Variants in NDUFA9 observed in about 807,000 individuals in gnomAD.
NDUFA9 encodes the protein NADH:ubiquinone oxidoreductase subunit A9, also known as NADH dehydrogenase [ubiquinone] 1 alpha subcomplex subunit 9, mitochondrial.
NDUFA9 carries 23 observed loss-of-function variants against 45.9 expected under a neutral mutation model. The observed-to-expected ratio is 0.50, with a 90% CI of 0.36 to 0.71. The LOEUF is 0.71. Among genes scored for constraint, NDUFA9 ranks in the 30% least tolerant of loss-of-function variants. The probability of loss-of-function intolerance (pLI) is 0.00; values close to 1 mark genes in which losing one functional copy is unlikely to be tolerated. For synonymous variants in NDUFA9, 176 were observed against 170.5 expected (o/e 1.03, Z -0.25); for missense variants, 466 against 488.2 (o/e 0.95, Z 0.43).
intron 1 of NDUFA9, among the ~76,000 whole-genome samples, 193 bp from the exon 2 acceptor site, chr12:4,654,099 G>T (rs1157503118): frequency 6.6e-6 from 1 of 152,130 alleles, no homozygotes; most frequent in Non-Finnish European, 1.5e-5. Context: ...ATAGGGTAGG[G>T]AGTATATTTC....
chr12:4,675,986 A>T (rs1290980129), intron 8 of NDUFA9, among the ~76,000 whole-genome samples: 1 of 152,242 alleles, frequency 6.6e-6, no homozygotes, highest in East Asian at 1.9e-4. Flanking sequence ...GGCTGGTTCA[A>T]CATATGCAAA....
chr12:4,657,667 C>A, intron 3 of NDUFA9, 81 bp from the exon 4 acceptor site: 2 of 997,976 alleles, frequency 2.0e-6, no homozygotes, highest in South Asian at 1.3e-5. Flanking sequence ...CATTTTGAAA[C>A]TTGCATTGAG....
intron 5 of NDUFA9, among the ~76,000 whole-genome samples, chr12:4,659,578 C>A (rs1358269807): frequency 6.6e-6 from 1 of 152,162 alleles, no homozygotes; most frequent in Non-Finnish European, 1.5e-5. Context: ...CTTAAAGGGG[C>A]AATGTGAAGG....
intron 9 of NDUFA9, among the ~76,000 whole-genome samples, chr12:4,683,554 T>A (rs899458924): frequency 6.6e-6 from 1 of 152,222 alleles, no homozygotes; most frequent in Non-Finnish European, 1.5e-5. Context: ...ACCACTAGAA[T>A]GCAGGGTGAT....
rs1237474663 is a variant in NDUFA9, at chr12:4,681,448, ATC to A, written c.801-752_801-751del. ...ATGACCAAAAATTCGTGAAGAAATG[ATC>A]TCTCATATTAAAGACATAATAATTA... On this transcript the variant is annotated intron_variant, in intron 8 of 10. Transcript: ENST00000266544. Among the ~76,000 whole-genome samples, 7 of 151,624 alleles carry A rather than the reference ATC, an allele frequency of 4.6e-5. No homozygotes were observed. The East Asian group carries it at 1.2e-3, about 25-fold the overall frequency.
At chr12:4,659,699 G>A (rs1356549145) in intron 5 of NDUFA9, among the ~76,000 whole-genome samples, 2 of 152,162 alleles carry the variant, frequency 1.3e-5, no homozygotes, top group Non-Finnish European at 2.9e-5. Context: ...CTGTAGTTTG[G>A]AGTCAGTCTG....
rs1220357649 is a variant in NDUFA9, at chr12:4,691,445, C to T, written c.*4337C>T. The T allele has an allele frequency of 4.6e-5, 7 of 152,296 alleles. No homozygotes were observed. Among genetic ancestry groups the T allele is most frequent in the African/African-American group, 1.4e-4 (6 of 41,572 alleles). The allele number at this position is 152,296 out of a possible 1,614,324, so 9.4% of individuals were successfully genotyped here. ...GTAAGTAGCTGAATTGGTTTTCCAA[C>T]CTGGATCTTTCTGGCTACAAAACTG... On this transcript the variant is annotated 3_prime_UTR_variant, in exon 11 of 11. Coordinates refer to ENST00000266544, the MANE Select transcript of NDUFA9 (RefSeq NM_005002.5).
chr12:4,693,580 CA>C lies in NDUFA9; in HGVS notation c.*6473del. 6.6e-6 allele frequency: 1 copy of C among 152,294 alleles called. No homozygotes were observed. Among genetic ancestry groups the C allele is most frequent in the East Asian group, 1.9e-4 (1 of 5,188 alleles). The allele number at this position is 152,294 out of a possible 1,614,324, so 9.4% of individuals were successfully genotyped here. ...ACAGATGTCTGGGCCTTCTTGACAGCAGGTGTTTAAAGCTGAATCTGGTTCT... is the reference window on the plus strand; with the variant it reads ...ACAGATGTCTGGGCCTTCTTGACAGCGGTGTTTAAAGCTGAATCTGGTTCT... On this transcript the variant is annotated 3_prime_UTR_variant, in exon 11 of 11. Transcript: ENST00000266544.
In NDUFA9 at chr12:4,654,871, T is replaced by C; in HGVS notation, c.267T>C (p.Tyr89=). ...TCATACCCTATCGGTGTGATAAATATGACATCATGCACCTTCGTCCCATGG... is the reference window on the plus strand; with the variant it reads ...TCATACCCTATCGGTGTGATAAATACGACATCATGCACCTTCGTCCCATGG... The part of the protein sequence containing the change: ...QVIIPYRCDK[Y]DIMHLRPMGD... The change falls in exon 3 of 11, where the codon TAT becomes TAC. Residue 89 remains tyrosine, a synonymous_variant. Transcript: ENST00000266544. 6.2e-7 allele frequency: 1 copy of C among 1,614,064 alleles called. No homozygotes were observed. Among genetic ancestry groups the C allele is most frequent in the Non-Finnish European group, 8.5e-7 (1 of 1,179,956 alleles).
At chr12:4,669,867 T>G in intron 8 of NDUFA9, 50 bp downstream of exon 8, 39 of 1,142,018 alleles carry the variant, frequency 3.4e-5, no homozygotes, top group Non-Finnish European at 4.5e-5. Flanking sequence ...AATGAAGGAA[T>G]CAATATCTAA....
Position 4,682,294 on chromosome 12 carries a change from C to T in NDUFA9, c.890C>T (p.Ala297Val), listed in dbSNP as rs1412267949. The T allele has an allele frequency of 3.1e-6, 5 of 1,608,774 alleles. No individual in the cohort carries two copies. Among genetic ancestry groups the T allele is most frequent in the Middle Eastern group, 1.7e-4 (1 of 6,048 alleles). ...LFLPFPLPLF[A>V]YRWVARVFEI... ...CTCCCATTCCCCTTGCCGCTTTTTG[C>T]CTATCGGTAAGTAGAGTGCTCCTTT... The change falls in exon 9 of 11, where the codon GCC (alanine) becomes GTC (valine). Residue 297 changes from alanine to valine, a missense_variant. Transcript: ENST00000266544.
In NDUFA9 at chr12:4,691,502, T is replaced by A. The variant is rs772430631; in HGVS notation, c.*4394T>A. 18 of 152,186 alleles carry A rather than the reference T, an allele frequency of 1.2e-4. No individual in the cohort carries two copies. The highest frequency in any genetic ancestry group is 2.4e-4 in the Non-Finnish European group (16 of 68,032). 9.4% of individuals were successfully genotyped at this position (152,186 alleles called of 1,614,324 possible). A position where few individuals can be genotyped will look rare whatever the true frequency, so the allele number is the denominator to read the frequency against. ...TGTTCCAGAAAGGATTTAAGGATGCTCAGGAGGAAGACATTCCCAGAGTTA... is the reference window on the plus strand; with the variant it reads ...TGTTCCAGAAAGGATTTAAGGATGCACAGGAGGAAGACATTCCCAGAGTTA... On this transcript the variant is annotated 3_prime_UTR_variant, in exon 11 of 11. Coordinates refer to ENST00000266544, the MANE Select transcript of NDUFA9 (RefSeq NM_005002.5).
rs1254481577 is a variant in NDUFA9 at position 4,690,977 on chromosome 12, G to A, written c.*3869G>A. The stretch of plus-strand genomic sequence containing the variant: ...CATGAATGAGTGGGTGGTTATGAGT[G>A]GGAGGCAGAGTCCGTGAGTTGGGAG... On this transcript the variant is annotated 3_prime_UTR_variant, in exon 11 of 11. Transcript: ENST00000266544. 1.3e-5 allele frequency: 2 copies of A among 152,222 alleles called. No individual in the cohort carries two copies. The highest frequency in any genetic ancestry group is 2.9e-5 in the Non-Finnish European group (2 of 68,036). 9.4% of individuals were successfully genotyped at this position (152,222 alleles called of 1,614,324 possible). A position where few individuals can be genotyped will look rare whatever the true frequency, so the allele number is the denominator to read the frequency against.
chr12:4,683,698 A>G (rs1324647179), intron 9 of NDUFA9, among the ~76,000 whole-genome samples: 1 of 152,236 alleles, frequency 6.6e-6, no homozygotes, highest in East Asian at 1.9e-4. Context: ...AGAAACTTAC[A>G]AGAAGGCCAA....
intron 8 of NDUFA9, among the ~76,000 whole-genome samples, chr12:4,679,918 T>G (rs1945942690): frequency 6.6e-6 from 1 of 152,178 alleles, no homozygotes; most frequent in African/African-American, 2.4e-5. Context: ...AGCAAAGTCC[T>G]TCAGGAATTG....
chr12:4,679,921 A>C (rs1405513082), intron 8 of NDUFA9, among the ~76,000 whole-genome samples: 1 of 152,220 alleles, frequency 6.6e-6, no homozygotes, highest in Non-Finnish European at 1.5e-5. Context: ...AAAGTCCTTC[A>C]GGAATTGAGA....
intron 6 of NDUFA9, among the ~76,000 whole-genome samples, chr12:4,664,138 G>A (rs1698332595): frequency 6.6e-6 from 1 of 152,194 alleles, no homozygotes; most frequent in African/African-American, 2.4e-5. Flanking sequence ...TAAGCAAAAA[G>A]GAACCGGAAC....
intron 8 of NDUFA9, among the ~76,000 whole-genome samples, chr12:4,673,747 T>G (rs1332536111): frequency 6.6e-6 from 1 of 151,292 alleles, no homozygotes; most frequent in African/African-American, 2.4e-5. Context: ...AGGAGCCAAG[T>G]TGGAAAACTC....
At chr12:4,656,768 A>G (rs1945793095) in intron 3 of NDUFA9, among the ~76,000 whole-genome samples, 1 of 152,194 alleles carries the variant, frequency 6.6e-6, no homozygotes. Flanking sequence ...TGTGTTTTCT[A>G]ATTTTACATG....
Sources: gnomAD v4.1 joint callset for allele counts (sites outside exome capture counted in the v4.1 genomes callset) on GRCh38, gnomAD v4.1.1 for gene constraint, MANE v1.5 for transcripts, NCBI Gene and HGNC (gene_info 2026-07-23, HGNC 2026-07-21) for gene names.